Variants in PDE4D observed in about 807,000 individuals in gnomAD.
PDE4D encodes the protein phosphodiesterase 4D.
PDE4D carries 24 observed loss-of-function variants against 87.4 expected under a neutral mutation model. That is an observed-to-expected ratio of 0.27 (90% CI 0.20 to 0.39). The LOEUF is 0.39. Ranked by LOEUF, PDE4D falls within the 10% of genes least tolerant of loss-of-function variation. The probability of loss-of-function intolerance (pLI) is 1.00; values close to 1 mark genes in which losing one functional copy is unlikely to be tolerated. For synonymous variants in PDE4D, 384 were observed against 383.2 expected, an observed-to-expected ratio of 1.00 and a Z score of -0.02; for missense variants, 714 against 1,041.0, an observed-to-expected ratio of 0.69 and a Z score of 4.32.
intron 1 of PDE4D, among the ~76,000 whole-genome samples, chr5:59,315,136 A>G (rs922837022): frequency 5.4e-4 from 82 of 152,250 alleles, no homozygotes; most frequent in African/African-American, 1.8e-3. Context: ...CCAATAAATA[A>G]TAAATTCCAT....
At chr5:59,046,089 G>GA (rs748335212) in intron 5 of PDE4D, among the ~76,000 whole-genome samples, 2 of 152,100 alleles carry the variant, frequency 1.3e-5, no homozygotes, top group Non-Finnish European at 2.9e-5. Context: ...ATAAGATGGA[G>GA]AAAAAAACAA....
intron 5 of PDE4D, among the ~76,000 whole-genome samples, chr5:59,153,404 C>T (rs1331646386): frequency 2.0e-5 from 3 of 152,204 alleles, no homozygotes; most frequent in Non-Finnish European, 2.9e-5. Flanking sequence ...TCGCTTCTCA[C>T]ATTTTCCTCA....
Position 59,185,177 on chromosome 5 carries a change from A to G in PDE4D, c.758+12T>C, listed in dbSNP as rs1020299040. 2.1e-5 allele frequency: 33 copies of G among 1,604,070 alleles called. No homozygotes were observed. The highest frequency in any genetic ancestry group is 3.4e-5 in the Admixed American group (2 of 59,298). On this transcript the variant is annotated intron_variant, in intron 4 of 14. Transcript: ENST00000340635. ...TTCAGCAAAAAAGAGGGGGGAAAAA[A>G]GGATATCTTACTTGCTAGGTGCTCG...
At chr5:59,400,612 T>C (rs1373015345) in intron 1 of PDE4D, among the ~76,000 whole-genome samples, 3 of 146,342 alleles carry the variant, frequency 2.0e-5, no homozygotes, top group African/African-American at 5.1e-5. Context: ...AGGGATAGCA[T>C]TGGGAGATAT....
At chr5:60,088,556 G>T (rs1362099800) in intron 2 of PDE4D, among the ~76,000 whole-genome samples, 2 of 151,786 alleles carry the variant, frequency 1.3e-5, no homozygotes, top group African/African-American at 4.8e-5. Context: ...GTTTATTTTT[G>T]TTTATTTGCA....
chr5:59,804,007 T>A (rs1185238867), intron 1 of PDE4D, among the ~76,000 whole-genome samples: 1 of 152,234 alleles, frequency 6.6e-6, no homozygotes, highest in Non-Finnish European at 1.5e-5. Flanking sequence ...CCCACTTTCT[T>A]TTTAATCCCT....
intron 2 of PDE4D, among the ~76,000 whole-genome samples, chr5:59,214,557 A>G (rs889288107): frequency 6.6e-6 from 1 of 152,176 alleles, no homozygotes; most frequent in Non-Finnish European, 1.5e-5. Context: ...ACAATGGTCT[A>G]AAATGCCAGA....
At chr5:59,159,403 G>A (rs527399412) in intron 5 of PDE4D, among the ~76,000 whole-genome samples, 5 of 152,202 alleles carry the variant, frequency 3.3e-5, no homozygotes, top group African/African-American at 1.2e-4. Flanking sequence ...AAAGTGCTGC[G>A]ATTAGAGGTG....
intron 1 of PDE4D, chr5:59,768,544 CA>C: frequency 6.3e-7 from 1 of 1,594,108 alleles, no homozygotes; most frequent in Admixed American, 1.7e-5. Context: ...GGCAAGAATC[CA>C]GGGCAACGTG....
At chr5:59,068,569 C>G (rs780315042) in intron 5 of PDE4D, among the ~76,000 whole-genome samples, 1 of 152,054 alleles carries the variant, frequency 6.6e-6, no homozygotes, top group Non-Finnish European at 1.5e-5. Context: ...AAATTTTAAT[C>G]TTATTAATGT....
intron 2 of PDE4D, among the ~76,000 whole-genome samples, chr5:60,166,065 A>C (rs1262652436): frequency 1.3e-5 from 2 of 152,088 alleles, no homozygotes; most frequent in Admixed American, 1.3e-4. Flanking sequence ...TGTAGTTACC[A>C]TGAGGCTTAT....
At chr5:60,316,043 T>C (rs1755554954) in intron 1 of PDE4D, among the ~76,000 whole-genome samples, 1 of 152,190 alleles carries the variant, frequency 6.6e-6, no homozygotes, top group Non-Finnish European at 1.5e-5. Context: ...GGTAGCTTGA[T>C]GGGGATGGCA....
intron 1 of PDE4D, among the ~76,000 whole-genome samples, chr5:59,391,571 G>A (rs530737805): frequency 8.5e-5 from 13 of 152,188 alleles, no homozygotes; most frequent in African/African-American, 3.1e-4. Context: ...TCCAAATTAG[G>A]AGTCAGAGGG....
intron 1 of PDE4D, among the ~76,000 whole-genome samples, chr5:60,374,031 G>A (rs1403567194): frequency 6.6e-6 from 1 of 152,046 alleles, no homozygotes. Context: ...ATATTCATGG[G>A]TTCCAGAGAC....
rs565386752 is a variant in PDE4D at position 59,335,700 on chromosome 5, G to A, written c.456-119732C>T. ...CTTTAAAAAGTGTCTTTCTGTGAAAGGACCGGAAAATTCCTAAAGATAGAA... is the reference window on the plus strand; with the variant it reads ...CTTTAAAAAGTGTCTTTCTGTGAAAAGACCGGAAAATTCCTAAAGATAGAA... On this transcript the variant is annotated intron_variant, in intron 1 of 14. Transcript: ENST00000340635. Among the ~76,000 whole-genome samples, 41 of 152,268 alleles carry A rather than the reference G, an allele frequency of 2.7e-4. 1 individual carries two copies. In the South Asian group the frequency reaches 8.3e-3, roughly 31 times the overall value.
At chr5:59,020,122 A>T (rs1339434579) in intron 6 of PDE4D, among the ~76,000 whole-genome samples, 1 of 152,146 alleles carries the variant, frequency 6.6e-6, no homozygotes, top group Non-Finnish European at 1.5e-5. Flanking sequence ...CTAGAGAAAA[A>T]TGGACAAGGA....
rs1045074388 is a variant in PDE4D at position 59,117,696 on chromosome 5, A to T, written c.808+62899T>A. 5.3e-5 allele frequency among the ~76,000 whole-genome samples: 8 copies of T among 152,326 alleles called. No homozygotes were observed. In the East Asian group the frequency reaches 1.5e-3, roughly 29 times the overall value. On this transcript the variant is annotated intron_variant, in intron 5 of 14. Coordinates refer to ENST00000340635, the MANE Select transcript of PDE4D (RefSeq NM_001104631.2). Reference sequence around the variant, plus strand: ...GGAACTGGATCTTGTTAAGTGTTAAAGATTCAAGAATTCTGCAAAAGAACT... The same window carrying T: ...GGAACTGGATCTTGTTAAGTGTTAATGATTCAAGAATTCTGCAAAAGAACT...
At chr5:59,455,482 T>G (rs1351612409) in intron 1 of PDE4D, among the ~76,000 whole-genome samples, 1 of 152,314 alleles carries the variant, frequency 6.6e-6, no homozygotes, top group Non-Finnish European at 1.5e-5. Context: ...ATAGGATGTA[T>G]GGAAATGCCA....
intron 1 of PDE4D, among the ~76,000 whole-genome samples, chr5:60,354,659 G>A (rs896724502): frequency 1.3e-5 from 2 of 152,138 alleles, no homozygotes; most frequent in Non-Finnish European, 2.9e-5. Context: ...ACCACAATTG[G>A]AGGTTGGGGC....
Sources: allele counts gnomAD v4.1 joint callset (sites outside exome capture counted in the v4.1 genomes callset), GRCh38; gene constraint gnomAD v4.1.1; transcripts MANE v1.5; gene names NCBI Gene and HGNC (gene_info 2026-07-23, HGNC 2026-07-21).